The following SEC61A2 variants were observed in gnomAD, a reference collection of about 807,000 sequenced individuals.
The protein encoded by SEC61A2 is protein transport protein Sec61 subunit alpha isoform 2.
Under a neutral mutation model 59.9 loss-of-function variants are expected in SEC61A2, and 28 were observed. That is an observed-to-expected ratio of 0.47 (90% CI 0.35 to 0.64). SEC61A2 has a LOEUF of 0.64. Among genes scored for constraint, SEC61A2 ranks in the 30% least tolerant of loss-of-function variants. SEC61A2 has a pLI of 0.01. For synonymous variants in SEC61A2, 202 were observed against 214.4 expected (o/e 0.94, Z 0.50); for missense variants, 340 against 585.9 (o/e 0.58, Z 4.33).
Position 12,164,677 on chromosome 10 carries a change from A to C in SEC61A2, c.*223A>C, listed in dbSNP as rs549311014. On this transcript the variant is annotated 3_prime_UTR_variant, in exon 12 of 12. Coordinates refer to ENST00000298428, the MANE Select transcript of SEC61A2 (RefSeq NM_018144.4). This position sits in a 1 kb window ranked among gnomAD's most constrained non-coding sequence, Gnocchi z 7.3. ...ATTATTCATTAAAAAAAGTACATCT[A>C]GTGTTGCCTGTAATGCTGGAAACCA... The C allele has an allele frequency of 3.0e-6, 4 of 1,331,728 alleles. No homozygotes were observed. In the African/African-American group the frequency reaches 6.1e-5, roughly 20 times the overall value. 82.5% of individuals were successfully genotyped at this position (1,331,728 alleles called of 1,614,324 possible). A position where few individuals can be genotyped will look rare whatever the true frequency, so the allele number is the denominator to read the frequency against.
Position 12,129,904 on chromosome 10 carries a change from G to A in SEC61A2, c.7+110G>A. 2 of 972,596 alleles carry A rather than the reference G, an allele frequency of 2.1e-6. No individual in the cohort carries two copies. Among genetic ancestry groups the A allele is most frequent in the Non-Finnish European group, 2.7e-6 (2 of 733,132 alleles). 60.2% of individuals were successfully genotyped at this position (972,596 alleles called of 1,614,324 possible). A position where few individuals can be genotyped will look rare whatever the true frequency, so the allele number is the denominator to read the frequency against. ...GGAGTCGTGGGGGCCAGGGATGCGC[G>A]GGCCGCTCCGGGCCTCAGCGGAGGG... On this transcript the variant is annotated intron_variant, in intron 1 of 11. Transcript: ENST00000298428. The surrounding 1 kb of genome is among the most constrained non-coding windows in gnomAD (Gnocchi z 5.6).
chr10:12,167,778 G>C, downstream of SEC61A2: 1 of 1,614,170 alleles, frequency 6.2e-7, no homozygotes, highest in East Asian at 2.2e-5. Context: ...ATAGACCCTG[G>C]CGTCCACTGT....
intron 1 of SEC61A2, among the ~76,000 whole-genome samples, chr10:12,132,250 G>A (rs917767609): frequency 4.6e-5 from 7 of 151,416 alleles, no homozygotes; most frequent in East Asian, 2.0e-4. Flanking sequence ...GCAGTGAGCC[G>A]AGATGGCGGC....
Position 12,129,782 on chromosome 10 carries a change from G to A in SEC61A2, c.-6G>A, listed in dbSNP as rs772130294. On this transcript the variant is annotated 5_prime_UTR_variant, in exon 1 of 12. Transcript: ENST00000298428. This position sits in a 1 kb window ranked among gnomAD's most constrained non-coding sequence, Gnocchi z 5.6. Reference sequence around the variant, plus strand: ...GGTTTCCCCCTGGGCCTCCCCAGCAGCAGCCATGGGCAGTGAGTAGCGGCG... The same window carrying A: ...GGTTTCCCCCTGGGCCTCCCCAGCAACAGCCATGGGCAGTGAGTAGCGGCG... The A allele has an allele frequency of 2.6e-4, 389 of 1,472,810 alleles. No homozygotes were observed. The highest frequency in any genetic ancestry group is 3.3e-4 in the Non-Finnish European group (372 of 1,114,720). The allele number at this position is 1,472,810 out of a possible 1,614,324, so 91.2% of individuals were successfully genotyped here.
rs762285069 is a variant in SEC61A2, at chr10:12,162,298, GC to G, written c.1244+10del. ...GTTCATGAGCTTAATAGGTAAGGCT[GC>G]TAGACTGACACCTTTATAGGCCTGT... On this transcript the variant is annotated intron_variant, in intron 11 of 11. Coordinates refer to ENST00000298428, the MANE Select transcript of SEC61A2 (RefSeq NM_018144.4). The surrounding 1 kb of genome is among the most constrained non-coding windows in gnomAD (Gnocchi z 6.1). The G allele has an allele frequency of 5.0e-6, 8 of 1,605,474 alleles. No individual in the cohort carries two copies. In the South Asian group the frequency reaches 7.7e-5, roughly 15 times the overall value.
In SEC61A2 at chr10:12,133,244, A is replaced by C. The variant is rs144170448; in HGVS notation, c.11A>C (p.Lys4Thr). 25 of 1,485,640 alleles carry C rather than the reference A, an allele frequency of 1.7e-5. No individual in the cohort carries two copies. Among genetic ancestry groups the C allele is most frequent in the Non-Finnish European group, 2.1e-5 (23 of 1,074,364 alleles). The allele number at this position is 1,485,640 out of a possible 1,614,324, so 92.0% of individuals were successfully genotyped here. A position where few individuals can be genotyped will look rare whatever the true frequency, so the allele number is the denominator to read the frequency against. Residue 4 changes from lysine to threonine, a missense_variant, in exon 2 of 12, where the codon AAA (lysine) becomes ACA (threonine). By Grantham distance (78) the Lys-to-Thr change is moderately conservative. Around this residue, in one of 3 missense-constraint regions of SEC61A2, gnomAD observed 41 missense variants for 47.6 expected, o/e 0.86. Coordinates refer to ENST00000298428, the MANE Select transcript of SEC61A2 (RefSeq NM_018144.4). MGI[K>T]FLEVIKPFCA... The stretch of plus-strand genomic sequence containing the variant: ...TTTATTATTTTTCTTTTTACAGTCA[A>C]ATTTTTAGAAGTTATCAAACCATTC...
rs1161739180 is a variant in SEC61A2, at chr10:12,158,985, T to G, written c.975+880T>G. ...CCCCCATCATAATTTTTTTTTCTTT[T>G]TTTTTTTTTTGAGACGGAGTCTCGC... On this transcript the variant is annotated intron_variant, in intron 9 of 11. Transcript: ENST00000298428. This position sits in a 1 kb window ranked among gnomAD's most constrained non-coding sequence, Gnocchi z 5.7. Among the ~76,000 whole-genome samples, 1 of 151,096 alleles carries G rather than the reference T, an allele frequency of 6.6e-6. No homozygotes were observed. Among genetic ancestry groups the G allele is most frequent in the Non-Finnish European group, 1.5e-5 (1 of 67,704 alleles).
chr10:12,156,519 A>G lies in SEC61A2; in HGVS notation c.617-388A>G, dbSNP rs1160275278. Among the ~76,000 whole-genome samples, 1 of 152,228 alleles carries G rather than the reference A, an allele frequency of 6.6e-6. No homozygotes were observed. Among genetic ancestry groups the G allele is most frequent in the Non-Finnish European group, 1.5e-5 (1 of 68,048 alleles). On this transcript the variant is annotated intron_variant, in intron 7 of 11. Transcript: ENST00000298428. This position sits in a 1 kb window ranked among gnomAD's most constrained non-coding sequence, Gnocchi z 5.2. ...TGCGGTAAACTTCGAGGCAGGCTCG[A>G]TAGAGTGACATCTGTCTCTTATTCT...
rs771573823 is a variant in SEC61A2, at chr10:12,162,243, G to C, written c.1198G>C (p.Val400Leu). ...TAAACAGCTGAAAGAACAGCAGATG[G>C]TAATGAGGGGCCACCGAGATACCTC... The part of the protein sequence containing the change: ...VAKQLKEQQM[V>L]MRGHRDTSMV... The change falls in exon 11 of 12, where the codon GTA becomes CTA. Residue 400 changes from valine (V) to leucine (L), a missense_variant. Coordinates refer to ENST00000298428, the MANE Select transcript of SEC61A2 (RefSeq NM_018144.4). This position sits in a 1 kb window ranked among gnomAD's most constrained non-coding sequence, Gnocchi z 6.1. 6.2e-7 allele frequency: 1 copy of C among 1,612,392 alleles called. No individual in the cohort carries two copies. Among genetic ancestry groups the C allele is most frequent in the Non-Finnish European group, 8.5e-7 (1 of 1,179,372 alleles).
chr10:12,140,665 A>G (rs1030453587), intron 3 of SEC61A2, among the ~76,000 whole-genome samples: 1 of 151,010 alleles, frequency 6.6e-6, no homozygotes, highest in Non-Finnish European at 1.5e-5. Flanking sequence ...GCATGATCTC[A>G]GCTCACTGCA....
rs750524160 is a variant in SEC61A2 at position 12,162,395 on chromosome 10, A to G, written c.1244+106A>G. On this transcript the variant is annotated intron_variant, in intron 11 of 11. Coordinates refer to ENST00000298428, the MANE Select transcript of SEC61A2 (RefSeq NM_018144.4). This position sits in a 1 kb window ranked among gnomAD's most constrained non-coding sequence, Gnocchi z 6.1. Reference sequence around the variant, plus strand: ...TCAAGTTCATATTTAAAACCCTTCTATTCACACAGATGAATCAAAATTTCA... The same window carrying G: ...TCAAGTTCATATTTAAAACCCTTCTGTTCACACAGATGAATCAAAATTTCA... 3.1e-6 allele frequency: 3 copies of G among 961,276 alleles called. No homozygotes were observed. In the African/African-American group the frequency reaches 4.8e-5, roughly 15 times the overall value. 59.5% of individuals were successfully genotyped at this position (961,276 alleles called of 1,614,324 possible).
In SEC61A2 at chr10:12,161,268, G is replaced by A. The variant is rs1018603122; in HGVS notation, c.1167+147G>A. The A allele has an allele frequency of 2.7e-5, 16 of 587,900 alleles. No individual in the cohort carries two copies. Among genetic ancestry groups the A allele is most frequent in the African/African-American group, 1.2e-4 (6 of 52,140 alleles). The allele number at this position is 587,900 out of a possible 1,614,324, so 36.4% of individuals were successfully genotyped here. The stretch of plus-strand genomic sequence containing the variant: ...AGCCTGGGCAACATAGCGAGACCCC[G>A]TCATGACTAAAAAAATACAAATAAA... On this transcript the variant is annotated intron_variant, in intron 10 of 11. Transcript: ENST00000298428. This position sits in a 1 kb window ranked among gnomAD's most constrained non-coding sequence, Gnocchi z 5.4.
chr10:12,131,040 G>A (rs903921012), intron 1 of SEC61A2, among the ~76,000 whole-genome samples: 1 of 152,164 alleles, frequency 6.6e-6, no homozygotes, highest in Non-Finnish European at 1.5e-5. Flanking sequence ...TGGTGTGGTG[G>A]TGGGCGCCAG....
chr10:12,169,482 A>T, downstream of SEC61A2: 1 of 574,822 alleles, frequency 1.7e-6, no homozygotes, highest in Non-Finnish European at 3.0e-6. The surrounding 1 kb of genome is among the most constrained non-coding windows in gnomAD (Gnocchi z 4.8). Context: ...TGGTCCGCGG[A>T]GCCTCAAACC....
At chr10:12,163,684 G>A (rs1834588194) in intron 11 of SEC61A2, among the ~76,000 whole-genome samples, 1 of 152,002 alleles carries the variant, frequency 6.6e-6, no homozygotes, top group African/African-American at 2.4e-5. Context: ...TGTTGAAAAG[G>A]CACTAGTATT....
Position 12,158,575 on chromosome 10 carries a change from C to T in SEC61A2, c.975+470C>T, listed in dbSNP as rs1834460609. ...TGAAACCCCGTCTCCACTAAAAATA[C>T]AAAAATTAGCCAGGTGTGGTGGCAG... On this transcript the variant is annotated intron_variant, in intron 9 of 11. Coordinates refer to ENST00000298428, the MANE Select transcript of SEC61A2 (RefSeq NM_018144.4). This position sits in a 1 kb window ranked among gnomAD's most constrained non-coding sequence, Gnocchi z 5.7. Among the ~76,000 whole-genome samples the T allele has an allele frequency of 1.3e-5, 2 of 151,960 alleles. No homozygotes were observed.
In SEC61A2 at chr10:12,149,466, GA is replaced by G; in HGVS notation, c.221-126del. 3 of 860,372 alleles carry G rather than the reference GA, an allele frequency of 3.5e-6. No individual in the cohort carries two copies. In the South Asian group the frequency reaches 5.3e-5, roughly 15 times the overall value. 53.3% of individuals were successfully genotyped at this position (860,372 alleles called of 1,614,324 possible). A position where few individuals can be genotyped will look rare whatever the true frequency, so the allele number is the denominator to read the frequency against. On this transcript the variant is annotated intron_variant, in intron 4 of 11. Transcript: ENST00000298428. The surrounding 1 kb of genome is among the most constrained non-coding windows in gnomAD (Gnocchi z 5.2). ...ACTTTTCTTAGCAAGTAGTGTTTAAGAAATGAAAATTTGCTTGTTAAAATTT... is the reference window on the plus strand; with the variant it reads ...ACTTTTCTTAGCAAGTAGTGTTTAAGAATGAAAATTTGCTTGTTAAAATTT...
chr10:12,164,911 T>G lies in SEC61A2; in HGVS notation c.*457T>G. ...ATTTTAGATAATTACTTTTTATACT[T>G]TTTTAACTCATGGTATCCCCACTCC... On this transcript the variant is annotated 3_prime_UTR_variant, in exon 12 of 12. Coordinates refer to ENST00000298428, the MANE Select transcript of SEC61A2 (RefSeq NM_018144.4). The surrounding 1 kb of genome is among the most constrained non-coding windows in gnomAD (Gnocchi z 7.3). 1 of 978,556 alleles carries G rather than the reference T, an allele frequency of 1.0e-6. No homozygotes were observed. Among genetic ancestry groups the G allele is most frequent in the Non-Finnish European group, 1.2e-6 (1 of 823,568 alleles). The allele number at this position is 978,556 out of a possible 1,614,324, so 60.6% of individuals were successfully genotyped here. A position where few individuals can be genotyped will look rare whatever the true frequency, so the allele number is the denominator to read the frequency against.
chr10:12,144,743 G>A (rs1834100574), intron 4 of SEC61A2, among the ~76,000 whole-genome samples: 1 of 152,098 alleles, frequency 6.6e-6, no homozygotes, highest in Non-Finnish European at 1.5e-5. Flanking sequence ...GCCTGTGCTT[G>A]GTGTGTTCAA....
Sources: allele counts gnomAD v4.1 joint callset (sites outside exome capture counted in the v4.1 genomes callset), GRCh38; gene constraint gnomAD v4.1.1; regional missense constraint gnomAD v4.1.1; non-coding constraint Gnocchi (gnomAD v3.1); transcripts MANE v1.5; gene names NCBI Gene and HGNC (gene_info 2026-07-23, HGNC 2026-07-21).